PIK3C2G: variants seen among roughly 807,000 people sequenced by gnomAD.
The protein encoded by PIK3C2G is phosphatidylinositol-4-phosphate 3-kinase catalytic subunit type 2 gamma.
PIK3C2G carries 168 observed loss-of-function variants against 181.1 expected under a neutral mutation model. The observed-to-expected ratio is 0.93, with a 90% CI of 0.82 to 1.05. The LOEUF is 1.05. Among genes scored for constraint, PIK3C2G ranks in the 50% least tolerant of loss-of-function variants. The probability of loss-of-function intolerance (pLI) is 0.00; values close to 1 mark genes in which losing one functional copy is unlikely to be tolerated. For missense variants in PIK3C2G, 1,869 were observed against 1,732.8 expected (o/e 1.08, Z -1.40); for synonymous variants, 573 against 592.2 (o/e 0.97, Z 0.47).
At chr12:18,505,015 G>A (rs1941728814) in intron 23 of PIK3C2G, among the ~76,000 whole-genome samples, 1 of 152,066 alleles carries the variant, frequency 6.6e-6, no homozygotes, top group Admixed American at 6.5e-5. Context: ...CCTCTCTAGT[G>A]AACCAATGAA....
chr12:18,555,021 T>A (rs144684859), intron 26 of PIK3C2G, among the ~76,000 whole-genome samples: 1,716 of 152,250 alleles, frequency 0.011, 33 homozygotes, highest in African/African-American at 0.039. Flanking sequence ...TCTTCCTGTA[T>A]TTATATATTA....
chr12:18,500,841 C>T (rs992872322), intron 22 of PIK3C2G, among the ~76,000 whole-genome samples: 1 of 152,174 alleles, frequency 6.6e-6, no homozygotes, highest in African/African-American at 2.4e-5. Flanking sequence ...CTGCTGCTCA[C>T]TCTTTGGGTC....
chr12:18,266,875 G>A (rs1295913468), intron 1 of PIK3C2G, among the ~76,000 whole-genome samples: 2 of 146,806 alleles, frequency 1.4e-5, no homozygotes, highest in Non-Finnish European at 3.0e-5. Flanking sequence ...TTTTTTTCAT[G>A]TTGGGTAAAT....
intron 11 of PIK3C2G, among the ~76,000 whole-genome samples, chr12:18,354,320 G>C (rs1037249249): frequency 5.9e-5 from 9 of 152,212 alleles, no homozygotes; most frequent in Admixed American, 2.0e-4. Context: ...ACTGGGGCTT[G>C]TCTAGGGTAT....
chr12:18,677,702 A>G, the PIK3C2G span, among the ~76,000 whole-genome samples: 1 of 152,132 alleles, frequency 6.6e-6, no homozygotes, highest in Non-Finnish European at 1.5e-5. Context: ...AGTATTTTTA[A>G]AATGTTCTAT....
intron 5 of PIK3C2G, among the ~76,000 whole-genome samples, chr12:18,307,596 T>C (rs1347406930): frequency 6.6e-6 from 1 of 151,932 alleles, no homozygotes; most frequent in Non-Finnish European, 1.5e-5. Flanking sequence ...ACAACCCTTC[T>C]CTCCACACTA....
the PIK3C2G span, chr12:18,705,440 A>G: frequency 1.8e-5 from 20 of 1,130,538 alleles, no homozygotes; most frequent in Admixed American, 3.9e-4. Flanking sequence ...CAAAATAACT[A>G]TTCTTTAAAC....
intron 30 of PIK3C2G, among the ~76,000 whole-genome samples, chr12:18,600,560 A>G (rs1450735403): frequency 6.6e-6 from 1 of 152,098 alleles, no homozygotes; most frequent in Non-Finnish European, 1.5e-5. Context: ...ATGAGTCACT[A>G]TCTAACCTAA....
At chr12:18,348,798 T>G (rs1317190489) in intron 11 of PIK3C2G, among the ~76,000 whole-genome samples, 2 of 152,192 alleles carry the variant, frequency 1.3e-5, no homozygotes, top group African/African-American at 4.8e-5. Flanking sequence ...CAAACTTTGA[T>G]GAGTTCACAT....
chr12:18,633,591 T>C (rs988756051), intron 31 of PIK3C2G, among the ~76,000 whole-genome samples: 3 of 152,180 alleles, frequency 2.0e-5, no homozygotes, highest in African/African-American at 7.2e-5. Flanking sequence ...TTGCAGGGCA[T>C]GGTAATACTA....
intron 11 of PIK3C2G, among the ~76,000 whole-genome samples, chr12:18,362,090 G>A (rs1941282008): frequency 6.6e-6 from 1 of 152,050 alleles, no homozygotes; most frequent in African/African-American, 2.4e-5. Context: ...AAACTGGAAT[G>A]TTGGACACAC....
chr12:18,259,514 G>C (rs889605757), upstream of PIK3C2G, among the ~76,000 whole-genome samples: 1 of 152,052 alleles, frequency 6.6e-6, no homozygotes, highest in Non-Finnish European at 1.5e-5. Context: ...TCTGAAAATT[G>C]AGGAATTTTG....
intron 1 of PIK3C2G, among the ~76,000 whole-genome samples, chr12:18,252,485 G>A (rs1300143208): frequency 2.6e-5 from 4 of 152,170 alleles, no homozygotes; most frequent in Non-Finnish European, 5.9e-5. Flanking sequence ...GCATATAAAT[G>A]TATTGAATAA....
At chr12:18,256,740 G>A (rs962871626), upstream of PIK3C2G, among the ~76,000 whole-genome samples, 6 of 152,078 alleles carry the variant, frequency 3.9e-5, no homozygotes, top group Admixed American at 2.0e-4. Flanking sequence ...ATAAAGTAAT[G>A]AGAATTACTA....
At chr12:18,366,739 TAA>T (rs34619971) in intron 12 of PIK3C2G, among the ~76,000 whole-genome samples, 3 of 146,552 alleles carry the variant, frequency 2.0e-5, no homozygotes, top group Non-Finnish European at 1.5e-5. Flanking sequence ...TTCCTTGGTT[TAA>T]AAAAAAAAAG....
At chr12:18,264,678 C>T (rs1432132850) in intron 1 of PIK3C2G, among the ~76,000 whole-genome samples, 1 of 151,624 alleles carries the variant, frequency 6.6e-6, no homozygotes, top group Non-Finnish European at 1.5e-5. Context: ...GAGACAGCTA[C>T]TTTTTGGAAT....
chr12:18,586,193 G>T (rs2136449042), intron 29 of PIK3C2G, among the ~76,000 whole-genome samples: 1 of 152,028 alleles, frequency 6.6e-6, no homozygotes, highest in African/African-American at 2.4e-5. Flanking sequence ...AACCAGATAA[G>T]AAATGACCAA....
At chr12:18,462,418 G>T (rs552596832) in intron 18 of PIK3C2G, among the ~76,000 whole-genome samples, 23 of 152,240 alleles carry the variant, frequency 1.5e-4, no homozygotes, top group Admixed American at 9.8e-4. Context: ...TCCCTTAAGG[G>T]TATTACATGC....
chr12:18,695,218 T>C, the PIK3C2G span: 2 of 878,636 alleles, frequency 2.3e-6, no homozygotes, highest in South Asian at 1.6e-5. Context: ...TAATAATTCA[T>C]GATTTTTAAA....
Sources: allele counts gnomAD v4.1 joint callset (sites outside exome capture counted in the v4.1 genomes callset), GRCh38; gene constraint gnomAD v4.1.1; transcripts MANE v1.5; gene names NCBI Gene and HGNC (gene_info 2026-07-23, HGNC 2026-07-21).